Variants in CDH12 observed in about 807,000 individuals in gnomAD.
The protein encoded by CDH12 is cadherin-12.
In CDH12, 41 loss-of-function variants were observed where a neutral mutation model predicts 74.1. The ratio of observed to expected loss-of-function variants is 0.55; its 90% CI spans 0.43 to 0.72. CDH12 has a LOEUF of 0.72. Ranked by LOEUF, CDH12 falls within the 30% of genes least tolerant of loss-of-function variation. CDH12 has a pLI of 0.00. For missense variants in CDH12, 945 were observed against 977.2 expected, an observed-to-expected ratio of 0.97 and a Z score of 0.44; for synonymous variants, 399 against 355.0, an observed-to-expected ratio of 1.12 and a Z score of -1.39.
At chr5:21,999,902 T>C (rs1316027663) in intron 5 of CDH12, among the ~76,000 whole-genome samples, 1 of 152,034 alleles carries the variant, frequency 6.6e-6, no homozygotes, top group Admixed American at 6.6e-5. Flanking sequence ...GAAATAACTG[T>C]GGCAGTTGGG....
chr5:22,187,495 C>G (rs1407945590), intron 4 of CDH12, among the ~76,000 whole-genome samples: 2 of 150,926 alleles, frequency 1.3e-5, no homozygotes, highest in African/African-American at 2.4e-5. Context: ...TCCCTTTAAA[C>G]TGGTGAATGC....
intron 3 of CDH12, among the ~76,000 whole-genome samples, chr5:22,267,232 C>T (rs970956025): frequency 6.6e-6 from 1 of 152,106 alleles, no homozygotes. Context: ...ATCCATTGTT[C>T]TTGGAGAATC....
intron 5 of CDH12, among the ~76,000 whole-genome samples, chr5:22,061,738 A>G (rs1580188244): frequency 6.6e-6 from 1 of 152,316 alleles, no homozygotes; most frequent in East Asian, 1.9e-4. Flanking sequence ...GCATGCACAT[A>G]TAAACACAGA....
intron 2 of CDH12, among the ~76,000 whole-genome samples, chr5:22,453,236 T>C (rs1346068717): frequency 6.6e-6 from 1 of 152,080 alleles, no homozygotes; most frequent in East Asian, 1.9e-4. Context: ...CTCCTGGGTA[T>C]TTTTACAAAG....
chr5:22,838,710 C>G (rs1436190800), intron 1 of CDH12, among the ~76,000 whole-genome samples: 1 of 150,986 alleles, frequency 6.6e-6, no homozygotes, highest in Non-Finnish European at 1.5e-5. Flanking sequence ...AGGTCTCACT[C>G]TGTTGTCAGG....
intron 4 of CDH12, among the ~76,000 whole-genome samples, chr5:22,153,369 C>T (rs940354874): frequency 1.1e-4 from 16 of 151,540 alleles, no homozygotes; most frequent in African/African-American, 3.9e-4. Context: ...GTGTGATGTT[C>T]CTACTCCACT....
At chr5:21,779,489 C>G (rs1306756585) in intron 11 of CDH12, 2 of 152,056 alleles carry the variant, frequency 1.3e-5, no homozygotes, top group Admixed American at 6.6e-5. Context: ...TGAAAATACT[C>G]AAGGTTAATA....
intron 5 of CDH12, among the ~76,000 whole-genome samples, chr5:21,992,323 T>C (rs1390196837): frequency 6.6e-6 from 1 of 152,220 alleles, no homozygotes; most frequent in Non-Finnish European, 1.5e-5. Context: ...ATTGAATGCC[T>C]GACTGAAATA....
Position 21,815,901 on chromosome 5 carries a change from TA to T in CDH12, c.1002+1043del, listed in dbSNP as rs546314918. Among the ~76,000 whole-genome samples, 93 of 152,276 alleles carry T rather than the reference TA, an allele frequency of 6.1e-4. 1 individual carries two copies. Among genetic ancestry groups the T allele is most frequent in the African/African-American group, 2.0e-3 (84 of 41,564 alleles). ...AATCTTTTGTCTATATTTATAGCAA[TA>T]AAAAATTAGGTTACAATTAAACTCT... On this transcript the variant is annotated intron_variant, in intron 9 of 14. Coordinates refer to ENST00000382254, the MANE Select transcript of CDH12 (RefSeq NM_004061.5).
chr5:22,230,130 T>C (rs1222890214), intron 3 of CDH12, among the ~76,000 whole-genome samples: 2 of 152,120 alleles, frequency 1.3e-5, no homozygotes, highest in Non-Finnish European at 2.9e-5. Flanking sequence ...AAAGCTCAAT[T>C]TGTTAGTAAG....
At chr5:22,734,214 C>G (rs920945933) in intron 1 of CDH12, among the ~76,000 whole-genome samples, 4 of 151,972 alleles carry the variant, frequency 2.6e-5, no homozygotes, top group South Asian at 2.1e-4. Context: ...TATTCAAGAA[C>G]AGTATTCACT....
intron 5 of CDH12, among the ~76,000 whole-genome samples, chr5:22,045,894 TA>T (rs911516811): frequency 1.3e-5 from 2 of 152,110 alleles, no homozygotes; most frequent in African/African-American, 2.4e-5. Context: ...GTGACTATAT[TA>T]AAAAATGATG....
chr5:21,791,641 A>C (rs1241971403), intron 10 of CDH12, among the ~76,000 whole-genome samples: 1 of 151,600 alleles, frequency 6.6e-6, no homozygotes, highest in Non-Finnish European at 1.5e-5. Flanking sequence ...TATATAATAA[A>C]ATAAACCTAA....
intron 6 of CDH12, among the ~76,000 whole-genome samples, chr5:21,929,599 C>T (rs1010335774): frequency 2.6e-5 from 4 of 152,134 alleles, no homozygotes; most frequent in African/African-American, 9.7e-5. Flanking sequence ...TCACTGCAGC[C>T]TCAACCTCCC....
At chr5:22,387,335 T>A (rs552945297) in intron 3 of CDH12, among the ~76,000 whole-genome samples, 2 of 152,262 alleles carry the variant, frequency 1.3e-5, no homozygotes, top group East Asian at 3.9e-4. Flanking sequence ...TATTAATTTT[T>A]AAAAAATAAA....
At chr5:22,579,698 C>T (rs1009850770) in intron 1 of CDH12, among the ~76,000 whole-genome samples, 2 of 152,024 alleles carry the variant, frequency 1.3e-5, no homozygotes, top group African/African-American at 4.8e-5. Context: ...CTACACAATA[C>T]AGTGTTAGAG....
intron 3 of CDH12, among the ~76,000 whole-genome samples, chr5:22,245,582 T>C (rs1188363624): frequency 6.6e-6 from 1 of 152,102 alleles, no homozygotes; most frequent in East Asian, 1.9e-4. Flanking sequence ...AAAAAATTAA[T>C]ACCTTGAATG....
Position 22,384,542 on chromosome 5 carries a change from A to AAAG in CDH12, c.-333+20714_-333+20715insCTT, listed in dbSNP as rs1554036624. Among the ~76,000 whole-genome samples, 134 of 142,242 alleles carry AAAG rather than the reference A, an allele frequency of 9.4e-4. 2 individuals are homozygous for AAAG. Among genetic ancestry groups the AAAG allele is most frequent in the African/African-American group, 3.2e-3 (129 of 39,886 alleles). 93.3% of individuals were successfully genotyped at this position (142,242 alleles called of 152,430 possible). A position where few individuals can be genotyped will look rare whatever the true frequency, so the allele number is the denominator to read the frequency against. On this transcript the variant is annotated intron_variant, in intron 3 of 14. Coordinates refer to ENST00000382254, the MANE Select transcript of CDH12 (RefSeq NM_004061.5). The stretch of plus-strand genomic sequence containing the variant: ...CTCCGTCTCAAAAAAAAAAAAAAAG[A>AAAG]AAAAGAAAAAGAAAAGAAAATGTCT...
rs1744009659 is a variant in CDH12, at chr5:21,750,942, T to TTTTCTTTTTTTTC, written c.*782_*794dup. 1 of 10,808 alleles carries TTTTCTTTTTTTTC rather than the reference T, an allele frequency of 9.3e-5. No homozygotes were observed. The highest frequency in any genetic ancestry group is 2.8e-4 in the Non-Finnish European group (1 of 3,604). 0.7% of individuals were successfully genotyped at this position (10,808 alleles called of 1,614,324 possible). A position where few individuals can be genotyped will look rare whatever the true frequency, so the allele number is the denominator to read the frequency against. On this transcript the variant is annotated 3_prime_UTR_variant, in exon 15 of 15. Transcript: ENST00000382254. ...GCCTCTCTTTATAAAGAGGAATATT[T>TTTTCTTTTTTTTC]TTTCTTTTTTTTCTTTCTTTTTTTT... is the stretch of plus-strand genomic sequence containing the variant.
Sources: allele counts gnomAD v4.1 joint callset (sites outside exome capture counted in the v4.1 genomes callset), GRCh38; gene constraint gnomAD v4.1.1; transcripts MANE v1.5; gene names NCBI Gene and HGNC (gene_info 2026-07-23, HGNC 2026-07-21).